The following IFT74 variants were observed in gnomAD, a reference collection of about 807,000 sequenced individuals.
IFT74 encodes the protein intraflagellar transport protein 74 homolog.
IFT74 carries 92 observed loss-of-function variants against 96.7 expected under a neutral mutation model. The ratio of observed to expected loss-of-function variants is 0.95; its 90% CI spans 0.80 to 1.13. The LOEUF (loss-of-function observed/expected upper bound fraction) is 1.13, where lower values mean the gene tolerates loss of function less well. Among genes scored for constraint, IFT74 ranks in the 50% most tolerant of loss-of-function variants. The pLI, the probability that IFT74 is intolerant of heterozygous loss-of-function variation, is 0.00. For synonymous variants in IFT74, 223 were observed against 213.2 expected (o/e 1.05, Z -0.40); for missense variants, 811 against 698.2 (o/e 1.16, Z -1.82).
chr9:27,048,823 G>C (rs1453810168), intron 16 of IFT74, among the ~76,000 whole-genome samples: 1 of 152,174 alleles, frequency 6.6e-6, no homozygotes, highest in Non-Finnish European at 1.5e-5. Context: ...TAATGGAATG[G>C]CTTTTAGGTC....
chr9:27,040,117 G>T (rs995834655), intron 13 of IFT74, among the ~76,000 whole-genome samples: 1 of 152,166 alleles, frequency 6.6e-6, no homozygotes, highest in Admixed American at 6.5e-5. Context: ...ACAAAAAATG[G>T]TTATGTAGAC....
intron 2 of IFT74, chr9:26,976,498 A>T (rs1827134719): frequency 6.6e-6 from 2 of 304,914 alleles, no homozygotes; most frequent in Non-Finnish European, 1.3e-5. Context: ...AACTAGACCC[A>T]ATTGGCTAAA....
chr9:26,999,162 A>T (rs1474229896), intron 8 of IFT74, among the ~76,000 whole-genome samples: 1 of 152,216 alleles, frequency 6.6e-6, no homozygotes, highest in Non-Finnish European at 1.5e-5. Flanking sequence ...GAAATTCTTT[A>T]TGTGGATATA....
intron 14 of IFT74, 79 bp downstream of exon 14, chr9:27,044,874 T>A (rs1381238299): frequency 1.2e-6 from 1 of 806,932 alleles, no homozygotes; most frequent in East Asian, 2.7e-5. Flanking sequence ...AGACCTCATT[T>A]TGGGCAGATA....
chr9:27,030,549 A>AG (rs1251527538), intron 13 of IFT74, among the ~76,000 whole-genome samples: 8 of 136,182 alleles, frequency 5.9e-5, no homozygotes, highest in African/African-American at 2.2e-4. Flanking sequence ...CTCCGTCTCA[A>AG]AAAAAAAAAA....
chr9:27,006,994 G>T (rs928782920), intron 8 of IFT74, among the ~76,000 whole-genome samples: 1 of 151,504 alleles, frequency 6.6e-6, no homozygotes, highest in South Asian at 2.1e-4. Flanking sequence ...CCACCATCAC[G>T]CCCAGCTAAT....
chr9:27,051,328 G>A (rs895909393), intron 16 of IFT74, among the ~76,000 whole-genome samples: 5 of 151,972 alleles, frequency 3.3e-5, no homozygotes, highest in Non-Finnish European at 5.9e-5. Flanking sequence ...TTTGTTTGCC[G>A]TAGTTTTTTT....
At chr9:27,014,177 T>C (rs1337795924) in intron 10 of IFT74, among the ~76,000 whole-genome samples, 1 of 152,094 alleles carries the variant, frequency 6.6e-6, no homozygotes, top group East Asian at 1.9e-4. Context: ...ATCACGCCAC[T>C]GCACTCCAGC....
chr9:27,062,529 C>A, intron 19 of IFT74, 89 bp from the exon 20 acceptor site: 1 of 685,732 alleles, frequency 1.5e-6, no homozygotes. Context: ...GTACCATCTT[C>A]AGTATGAAAA....
At chr9:26,974,180 A>G (rs1474776886) in intron 2 of IFT74, among the ~76,000 whole-genome samples, 2 of 152,128 alleles carry the variant, frequency 1.3e-5, no homozygotes, top group Non-Finnish European at 2.9e-5. Flanking sequence ...GTTGAGAAGC[A>G]TATGGGTTTG....
At chr9:26,961,634 CA>C (rs1161855823) in intron 1 of IFT74, among the ~76,000 whole-genome samples, 1 of 151,878 alleles carries the variant, frequency 6.6e-6, no homozygotes, top group African/African-American at 2.4e-5. Context: ...GGATTAGGGG[CA>C]AAGAAAGATG....
intron 1 of IFT74, chr9:26,947,275 G>A (rs1399422214): frequency 1.8e-6 from 1 of 540,588 alleles, no homozygotes; most frequent in African/African-American, 2.0e-5. Context: ...ATCGGCCTCA[G>A]CCCTCCATGA....
chr9:26,996,389 C>G, intron 8 of IFT74: 1 of 1,610,662 alleles, frequency 6.2e-7, no homozygotes, highest in South Asian at 1.1e-5. Flanking sequence ...TAAAGATCTT[C>G]AGTTACTGAT....
intron 17 of IFT74, among the ~76,000 whole-genome samples, chr9:27,056,076 T>G (rs990411323): frequency 1.3e-5 from 2 of 152,120 alleles, no homozygotes; most frequent in Non-Finnish European, 2.9e-5. Context: ...TGTCAGTGGC[T>G]TTCCATTGCC....
At chr9:26,950,640 T>C (rs1416662964) in intron 1 of IFT74, among the ~76,000 whole-genome samples, 1 of 152,250 alleles carries the variant, frequency 6.6e-6, no homozygotes, top group Non-Finnish European at 1.5e-5. Context: ...GTTAGATTTC[T>C]CTCATTAGTT....
intron 8 of IFT74, among the ~76,000 whole-genome samples, chr9:27,005,131 T>C (rs1296884395): frequency 1.3e-5 from 2 of 150,430 alleles, no homozygotes; most frequent in African/African-American, 2.5e-5. Flanking sequence ...ATTGTGTAGA[T>C]TTTTTTCAGA....
At chr9:26,963,711 G>A (rs1222033706) in intron 2 of IFT74, among the ~76,000 whole-genome samples, 1 of 152,202 alleles carries the variant, frequency 6.6e-6, no homozygotes, top group Admixed American at 6.5e-5. Flanking sequence ...GATGGCCAGT[G>A]ATGATGAGCA....
At chr9:26,993,907 A>G (rs1828005999) in intron 8 of IFT74, 1 of 152,208 alleles carries the variant, frequency 6.6e-6, no homozygotes. Context: ...TTTGTAAAAG[A>G]TGTAAATTCT....
At chr9:26,996,584 A>T (rs1828172326) in intron 8 of IFT74, 1 of 999,384 alleles carries the variant, frequency 1.0e-6, no homozygotes, top group African/African-American at 1.7e-5. Context: ...AGAATTTTTG[A>T]CATATTTGTC....
Sources: allele counts gnomAD v4.1 joint callset (sites outside exome capture counted in the v4.1 genomes callset), GRCh38; gene constraint gnomAD v4.1.1; transcripts MANE v1.5; gene names NCBI Gene and HGNC (gene_info 2026-07-23, HGNC 2026-07-21).